GPC5: variants seen among roughly 807,000 people sequenced by gnomAD.
GPC5 encodes the protein glypican-5.
GPC5 carries 47 observed loss-of-function variants against 53.9 expected under a neutral mutation model. The ratio of observed to expected loss-of-function variants is 0.87; its 90% CI spans 0.69 to 1.11. GPC5 has a LOEUF of 1.11. GPC5 is among the 50% of genes most tolerant of loss of function. The pLI, the probability that GPC5 is intolerant of heterozygous loss-of-function variation, is 0.00. For missense variants in GPC5, 748 were observed against 713.1 expected (o/e 1.05, Z -0.56); for synonymous variants, 286 against 263.3 (o/e 1.09, Z -0.84).
At chr13:91,464,341 CTTA>C (rs1310813663) in intron 2 of GPC5, among the ~76,000 whole-genome samples, 1 of 152,086 alleles carries the variant, frequency 6.6e-6, no homozygotes, top group Non-Finnish European at 1.5e-5. Context: ...TAAACCTGCA[CTTA>C]TTGTATTGTC....
chr13:92,522,676 G>A (rs1881108572), intron 7 of GPC5, among the ~76,000 whole-genome samples: 1 of 152,048 alleles, frequency 6.6e-6, no homozygotes, highest in Admixed American at 6.6e-5. Flanking sequence ...TAAGTGATGA[G>A]TTAATGGGTG....
chr13:91,842,189 A>C (rs117279978), intron 5 of GPC5, among the ~76,000 whole-genome samples: 1 of 152,006 alleles, frequency 6.6e-6, no homozygotes, highest in Non-Finnish European at 1.5e-5. Context: ...GAGAACATAT[A>C]CTTAGAAACA....
At chr13:92,737,970 G>A (rs1428157574) in intron 7 of GPC5, among the ~76,000 whole-genome samples, 1 of 151,344 alleles carries the variant, frequency 6.6e-6, no homozygotes, top group East Asian at 2.0e-4. Context: ...CTCCATTTTG[G>A]TCAGGCTGGT....
At chr13:92,831,280 T>C (rs1878034476) in intron 7 of GPC5, among the ~76,000 whole-genome samples, 1 of 152,164 alleles carries the variant, frequency 6.6e-6, no homozygotes, top group Non-Finnish European at 1.5e-5. Flanking sequence ...AGACCTATTT[T>C]AATAAAACAT....
chr13:91,958,227 G>A (rs1419969956), intron 6 of GPC5, among the ~76,000 whole-genome samples: 1 of 149,502 alleles, frequency 6.7e-6, no homozygotes, highest in Non-Finnish European at 1.5e-5. Context: ...ACTAGCAGAG[G>A]TAGCTATACC....
At chr13:92,827,089 T>TAAA (rs1219245380) in intron 7 of GPC5, among the ~76,000 whole-genome samples, 2 of 152,096 alleles carry the variant, frequency 1.3e-5, no homozygotes, top group Non-Finnish European at 2.9e-5. Flanking sequence ...ATCATTTGAG[T>TAAA]AAAAGTCTTT....
chr13:91,451,632 C>G (rs1338288994), intron 2 of GPC5, among the ~76,000 whole-genome samples: 1 of 117,950 alleles, frequency 8.5e-6, no homozygotes, highest in Non-Finnish European at 1.8e-5. Context: ...TTTTTTTTTT[C>G]CCCGAGGTGG....
At chr13:91,730,583 T>G (rs944518965) in intron 4 of GPC5, among the ~76,000 whole-genome samples, 3 of 152,128 alleles carry the variant, frequency 2.0e-5, no homozygotes, top group African/African-American at 7.2e-5. Flanking sequence ...GCAAAGCAAC[T>G]AACCAAATAA....
At chr13:91,823,128 A>G (rs552261830) in intron 5 of GPC5, among the ~76,000 whole-genome samples, 6 of 152,256 alleles carry the variant, frequency 3.9e-5, no homozygotes, top group Admixed American at 2.6e-4. Context: ...GTATGTATTA[A>G]TAGTAAAGGT....
chr13:91,571,776 C>T (rs113076861), intron 2 of GPC5, among the ~76,000 whole-genome samples: 17,713 of 80,170 alleles, frequency 0.22, 2,841 homozygotes, highest in African/African-American at 0.35. Context: ...TGTGTATATA[C>T]ACACACATAT....
chr13:92,776,907 T>C (rs1594499328), intron 7 of GPC5, among the ~76,000 whole-genome samples: 1 of 150,666 alleles, frequency 6.6e-6, no homozygotes, highest in Non-Finnish European at 1.5e-5. Flanking sequence ...GCCTGTAGTC[T>C]CAGCTACTCG....
At chr13:91,597,629 C>T (rs1490803627) in intron 2 of GPC5, among the ~76,000 whole-genome samples, 4 of 152,174 alleles carry the variant, frequency 2.6e-5, no homozygotes, top group Non-Finnish European at 5.9e-5. Context: ...ACATCTTGGC[C>T]ACAGGGAACA....
chr13:91,943,755 G>C (rs1372998061), intron 6 of GPC5, among the ~76,000 whole-genome samples: 1 of 152,050 alleles, frequency 6.6e-6, no homozygotes, highest in African/African-American at 2.4e-5. Flanking sequence ...TTCTTGTCCT[G>C]TGAACCATAT....
At chr13:92,271,168 G>C (rs1352262969) in intron 7 of GPC5, among the ~76,000 whole-genome samples, 2 of 152,088 alleles carry the variant, frequency 1.3e-5, no homozygotes, top group Admixed American at 1.3e-4. Flanking sequence ...CTTTGTTTCT[G>C]AACAATGTCC....
chr13:92,565,207 A>G (rs1882825940), intron 7 of GPC5, among the ~76,000 whole-genome samples: 1 of 152,140 alleles, frequency 6.6e-6, no homozygotes, highest in Non-Finnish European at 1.5e-5. Context: ...GATTTTGAAG[A>G]AATCAACACA....
intron 5 of GPC5, among the ~76,000 whole-genome samples, chr13:91,839,572 C>A (rs1476551445): frequency 2.6e-5 from 4 of 151,740 alleles, no homozygotes; most frequent in Non-Finnish European, 4.4e-5. Context: ...AATTATCAAG[C>A]AAATTGTTCA....
intron 7 of GPC5, among the ~76,000 whole-genome samples, chr13:92,863,056 T>C (rs1667278306): frequency 6.6e-6 from 1 of 152,176 alleles, no homozygotes; most frequent in African/African-American, 2.4e-5. Context: ...AGTTACTTGA[T>C]TAATACCCCA....
chr13:91,528,050 A>G (rs1439302552), intron 2 of GPC5, among the ~76,000 whole-genome samples: 1 of 152,206 alleles, frequency 6.6e-6, no homozygotes, highest in African/African-American at 2.4e-5. Context: ...TTCCCTGAAG[A>G]CAATTGTCTT....
chr13:92,279,781 G>T (rs907326640), intron 7 of GPC5, among the ~76,000 whole-genome samples: 12 of 151,866 alleles, frequency 7.9e-5, no homozygotes, highest in Non-Finnish European at 1.3e-4. Context: ...CTTTGCTATG[G>T]TATATAATTT....
Sources: allele counts gnomAD v4.1 joint callset (sites outside exome capture counted in the v4.1 genomes callset), GRCh38; gene constraint gnomAD v4.1.1; transcripts MANE v1.5; gene names NCBI Gene and HGNC (gene_info 2026-07-23, HGNC 2026-07-21).